NR2F6: variants seen among roughly 807,000 people sequenced by gnomAD.
The protein encoded by NR2F6 is nuclear receptor subfamily 2 group F member 6, also known as ERBA-related gene-2.
A neutral mutation model predicts 26.5 loss-of-function variants in NR2F6; 16 were observed. That is an observed-to-expected ratio of 0.60 (90% CI 0.41 to 0.92). NR2F6 has a LOEUF of 0.92. Ranked by LOEUF, NR2F6 falls within the 40% of genes least tolerant of loss-of-function variation. NR2F6 has a pLI of 0.00. For synonymous variants in NR2F6, 325 were observed against 305.0 expected (o/e 1.07, Z -0.68); for missense variants, 536 against 631.7 (o/e 0.85, Z 1.62).
At chr19:17,241,511 G>T (rs1419033142) in intron 1 of NR2F6, among the ~76,000 whole-genome samples, 1 of 152,208 alleles carries the variant, frequency 6.6e-6, no homozygotes, top group East Asian at 1.9e-4. Flanking sequence ...CCCCATCCTG[G>T]GTCAGCCCCC....
At chr19:17,234,706 T>A (rs2073426032) in intron 3 of NR2F6, among the ~76,000 whole-genome samples, 1 of 151,734 alleles carries the variant, frequency 6.6e-6, no homozygotes, top group South Asian at 2.1e-4. Context: ...TAAAAAAAAA[T>A]TAGCCGGGAA....
At chr19:17,237,131 C>T (rs910440649) in intron 2 of NR2F6, among the ~76,000 whole-genome samples, 1 of 152,152 alleles carries the variant, frequency 6.6e-6, no homozygotes, top group African/African-American at 2.4e-5. Context: ...AAGCCAGGGG[C>T]GAACAGAGCT....
chr19:17,239,694 C>G (rs1179814120), intron 2 of NR2F6, among the ~76,000 whole-genome samples: 1 of 151,860 alleles, frequency 6.6e-6, no homozygotes, highest in East Asian at 1.9e-4. Flanking sequence ...TGGCCCGTAT[C>G]TGTAGTCCCA....
At chr19:17,239,092 A>G (rs2073454976) in intron 2 of NR2F6, among the ~76,000 whole-genome samples, 1 of 152,148 alleles carries the variant, frequency 6.6e-6, no homozygotes, top group Admixed American at 6.5e-5. Flanking sequence ...TAATCCCAAC[A>G]CTTTGGGAGG....
At chr19:17,233,662 A>C (rs964504559) in intron 3 of NR2F6, among the ~76,000 whole-genome samples, 2 of 151,982 alleles carry the variant, frequency 1.3e-5, no homozygotes, top group Non-Finnish European at 2.9e-5. Context: ...ACGCCTAGCT[A>C]ATTTTTGTAT....
At position 17,245,309 on chromosome 19, in the gene NR2F6, T is replaced by A. The variant is rs983137100; in HGVS notation, c.-89A>T. Reference sequence around the variant, plus strand: ...CCCGGGGGACCCTACGCGGCGCGCATTCGGCCCCGGCGCGCGGGGGGCACG... The same window carrying A: ...CCCGGGGGACCCTACGCGGCGCGCAATCGGCCCCGGCGCGCGGGGGGCACG... On this transcript the variant is annotated 5_prime_UTR_variant, in exon 1 of 4. It removes an upstream start codon present in the reference 5' UTR. Coordinates refer to ENST00000291442, the MANE Select transcript of NR2F6 (RefSeq NM_005234.4). This position sits in a 1 kb window ranked among gnomAD's most constrained non-coding sequence, Gnocchi z 5.0. 1 of 1,111,840 alleles carries A rather than the reference T, an allele frequency of 9.0e-7. No individual in the cohort carries two copies. Among genetic ancestry groups the A allele is most frequent in the South Asian group, 4.4e-5 (1 of 22,632 alleles). The allele number at this position is 1,111,840 out of a possible 1,614,324, so 68.9% of individuals were successfully genotyped here.
At position 17,235,250 on chromosome 19, in the gene NR2F6, T is replaced by TGGGTCTG. The variant is rs2073429280; in HGVS notation, c.940+242_940+248dup. On this transcript the variant is annotated intron_variant, in intron 3 of 3. Coordinates refer to ENST00000291442, the MANE Select transcript of NR2F6 (RefSeq NM_005234.4). This position sits in a 1 kb window ranked among gnomAD's most constrained non-coding sequence, Gnocchi z 5.0. The stretch of plus-strand genomic sequence containing the variant: ...CTGGGCCCTGGTCCTGGCCCAGCCT[T>TGGGTCTG]GGGTCTGGGGTCCGGGGTTCAGAGT... 6.6e-6 allele frequency among the ~76,000 whole-genome samples: 1 copy of TGGGTCTG among 152,146 alleles called. No individual in the cohort carries two copies. Among genetic ancestry groups the TGGGTCTG allele is most frequent in the Admixed American group, 6.5e-5 (1 of 15,286 alleles).
intron 1 of NR2F6, 113 bp from the exon 2 acceptor site, chr19:17,240,878 A>G (rs1413526913): frequency 5.0e-6 from 5 of 1,006,802 alleles, no homozygotes; most frequent in Non-Finnish European, 7.4e-6. Flanking sequence ...GGGGCCCTCT[A>G]GACTGGAGAG....
At position 17,231,919 on chromosome 19, in the gene NR2F6, G is replaced by C. The variant is rs1049487671; in HGVS notation, c.*433C>G. 4.6e-5 allele frequency: 8 copies of C among 174,382 alleles called. No homozygotes were observed. The highest frequency in any genetic ancestry group is 1.9e-4 in the African/African-American group (8 of 41,750). 10.8% of individuals were successfully genotyped at this position (174,382 alleles called of 1,614,324 possible). On this transcript the variant is annotated 3_prime_UTR_variant, in exon 4 of 4. Coordinates refer to ENST00000291442, the MANE Select transcript of NR2F6 (RefSeq NM_005234.4). ...GAAATGTCTTTATTATTGGCCTTGA[G>C]TCATCATGTAGTGTCTGACATAGGT...
Position 17,245,245 on chromosome 19 carries a change from C to G in NR2F6, c.-25G>C. 1 of 1,237,350 alleles carries G rather than the reference C, an allele frequency of 8.1e-7. No homozygotes were observed. The highest frequency in any genetic ancestry group is 1.0e-6 in the Non-Finnish European group (1 of 993,684). The allele number at this position is 1,237,350 out of a possible 1,614,324, so 76.6% of individuals were successfully genotyped here. A position where few individuals can be genotyped will look rare whatever the true frequency, so the allele number is the denominator to read the frequency against. On this transcript the variant is annotated 5_prime_UTR_variant, in exon 1 of 4. Transcript: ENST00000291442. The surrounding 1 kb of genome is among the most constrained non-coding windows in gnomAD (Gnocchi z 5.0). ...TAGCCCCAGGGCAGCGGGGCCGGGG[C>G]GCCCCCACCGCGCTCTTCCCTCCGG...
rs1257391615 is a variant in NR2F6, at chr19:17,245,349, A to G, written c.-129T>C. 13 of 837,050 alleles carry G rather than the reference A, an allele frequency of 1.6e-5. No homozygotes were observed. Among genetic ancestry groups the G allele is most frequent in the Non-Finnish European group, 1.8e-5 (12 of 650,016 alleles). 51.9% of individuals were successfully genotyped at this position (837,050 alleles called of 1,614,324 possible). A position where few individuals can be genotyped will look rare whatever the true frequency, so the allele number is the denominator to read the frequency against. On this transcript the variant is annotated 5_prime_UTR_variant, in exon 1 of 4. Coordinates refer to ENST00000291442, the MANE Select transcript of NR2F6 (RefSeq NM_005234.4). The surrounding 1 kb of genome is among the most constrained non-coding windows in gnomAD (Gnocchi z 5.0). Reference sequence around the variant, plus strand: ...CGGGGGGCACGGGCTGCACCCCCCAAAAAAGTTTTGCAGCAACTTCCTGCG... The same window carrying G: ...CGGGGGGCACGGGCTGCACCCCCCAGAAAAGTTTTGCAGCAACTTCCTGCG...
At position 17,235,972 on chromosome 19, in the gene NR2F6, C is replaced by A; in HGVS notation, c.467G>T (p.Ser156Ile). 6.8e-7 allele frequency: 1 copy of A among 1,471,046 alleles called. No homozygotes were observed. Among genetic ancestry groups the A allele is most frequent in the South Asian group, 1.3e-5 (1 of 77,332 alleles). The allele number at this position is 1,471,046 out of a possible 1,614,324, so 91.1% of individuals were successfully genotyped here. Residue 156 changes from serine (S) to isoleucine (I), a missense_variant, in exon 3 of 4, where the codon AGC (serine) becomes ATC (isoleucine). Coordinates refer to ENST00000291442, the MANE Select transcript of NR2F6 (RefSeq NM_005234.4). The surrounding 1 kb of genome is among the most constrained non-coding windows in gnomAD (Gnocchi z 5.0). ...PPGSALAAVA[S>I]GGDLFPGQPV... ...CTGCCCCGGGAAGAGGTCTCCGCCG[C>A]TCGCCACTGCCGCCAGCGCCGAGCC... is the stretch of plus-strand genomic sequence containing the variant.
chr19:17,232,984 C>A (rs550086752), intron 3 of NR2F6, among the ~76,000 whole-genome samples: 1 of 152,224 alleles, frequency 6.6e-6, no homozygotes, highest in African/African-American at 2.4e-5. Context: ...TCCGTCTCTA[C>A]TAAAAATAAG....
rs559207001 is a variant in NR2F6 at position 17,245,143 on chromosome 19, G to A, written c.78C>T (p.Arg26=). The A allele has an allele frequency of 6.2e-4, 886 of 1,435,250 alleles. 4 individuals are homozygous for A. In the African/African-American group the frequency reaches 0.012, roughly 20 times the overall value. 88.9% of individuals were successfully genotyped at this position (1,435,250 alleles called of 1,614,324 possible). The part of the protein sequence containing the change: ...NGVDKAGGYP[R]AAEDDSASPP... Reference sequence around the variant, plus strand: ...GCGAGGCCGAGTCGTCCTCGGCCGCGCGCGGGTAGCCGCCCGCCTTGTCCA... The same window carrying A: ...GCGAGGCCGAGTCGTCCTCGGCCGCACGCGGGTAGCCGCCCGCCTTGTCCA... The change falls in exon 1 of 4, where the codon CGC becomes CGT. Residue 26 remains arginine (R), a synonymous_variant. Coordinates refer to ENST00000291442, the MANE Select transcript of NR2F6 (RefSeq NM_005234.4). The surrounding 1 kb of genome is among the most constrained non-coding windows in gnomAD (Gnocchi z 5.0).
At position 17,232,252 on chromosome 19, in the gene NR2F6, C is replaced by CAT; in HGVS notation, c.*99_*100insAT. The CAT allele has an allele frequency of 6.7e-7, 1 of 1,493,188 alleles. No homozygotes were observed. Among genetic ancestry groups the CAT allele is most frequent in the Admixed American group, 2.2e-5 (1 of 44,850 alleles). The allele number at this position is 1,493,188 out of a possible 1,614,324, so 92.5% of individuals were successfully genotyped here. A position where few individuals can be genotyped will look rare whatever the true frequency, so the allele number is the denominator to read the frequency against. ...AAAATAGAAGTCTGAGGAGAGAAGCCAGAGTCCTGGGCCCCGGGAGGCCCC... is the reference window on the plus strand; with the variant it reads ...AAAATAGAAGTCTGAGGAGAGAAGCCATAGAGTCCTGGGCCCCGGGAGGCCCC... On this transcript the variant is annotated 3_prime_UTR_variant, in exon 4 of 4. Coordinates refer to ENST00000291442, the MANE Select transcript of NR2F6 (RefSeq NM_005234.4).
At chr19:17,237,358 T>TTCCCTCCC (rs1403241020) in intron 2 of NR2F6, among the ~76,000 whole-genome samples, 1 of 151,872 alleles carries the variant, frequency 6.6e-6, no homozygotes, top group African/African-American at 2.4e-5. Flanking sequence ...TTTTTCTTTT[T>TTCCCTCCC]TCCCTCCCTC....
Position 17,232,035 on chromosome 19 carries a change from G to A in NR2F6, c.*317C>T. ...CCGACGCCAGGCCTTTGTCCATCAT[G>A]CCAGGGAAGCCAACCCCACCATCCC... On this transcript the variant is annotated 3_prime_UTR_variant, in exon 4 of 4. Coordinates refer to ENST00000291442, the MANE Select transcript of NR2F6 (RefSeq NM_005234.4). 1 of 361,724 alleles carries A rather than the reference G, an allele frequency of 2.8e-6. No homozygotes were observed. The highest frequency in any genetic ancestry group is 5.1e-6 in the Non-Finnish European group (1 of 197,612). The allele number at this position is 361,724 out of a possible 1,614,324, so 22.4% of individuals were successfully genotyped here.
Position 17,231,977 on chromosome 19 carries a change from A to C in NR2F6, c.*375T>G. The C allele has an allele frequency of 7.6e-6, 2 of 261,748 alleles. No individual in the cohort carries two copies. Among genetic ancestry groups the C allele is most frequent in the Non-Finnish European group, 1.5e-5 (2 of 135,972 alleles). The allele number at this position is 261,748 out of a possible 1,614,324, so 16.2% of individuals were successfully genotyped here. Reference sequence around the variant, plus strand: ...CCAGAGGATCTGCCTGGCACACGCTAGCTACCCCTGCCCACTGGAGCAGCC... The same window carrying C: ...CCAGAGGATCTGCCTGGCACACGCTCGCTACCCCTGCCCACTGGAGCAGCC... On this transcript the variant is annotated 3_prime_UTR_variant, in exon 4 of 4. Transcript: ENST00000291442.
At chr19:17,234,340 A>G (rs1014404861) in intron 3 of NR2F6, among the ~76,000 whole-genome samples, 1 of 152,078 alleles carries the variant, frequency 6.6e-6, no homozygotes, top group African/African-American at 2.4e-5. Flanking sequence ...ATCAGAGCTC[A>G]CTGGAGCCTC....
Sources: gnomAD v4.1 joint callset for allele counts (sites outside exome capture counted in the v4.1 genomes callset) on GRCh38, gnomAD v4.1.1 for gene constraint, Gnocchi (gnomAD v3.1) non-coding constraint, MANE v1.5 for transcripts, NCBI Gene and HGNC (gene_info 2026-07-23, HGNC 2026-07-21) for gene names.